The following BANP variants were observed in gnomAD, a reference collection of about 807,000 sequenced individuals.
The protein encoded by BANP is BTG3 associated nuclear protein, also known as protein BANP.
A neutral mutation model predicts 68.1 loss-of-function variants in BANP; 11 were observed. That is an observed-to-expected ratio of 0.16 (90% CI 0.10 to 0.27). BANP has a LOEUF of 0.27. Ranked by LOEUF, BANP falls within the 10% of genes least tolerant of loss-of-function variation. The pLI is 1.00. For synonymous variants in BANP, 329 were observed against 303.2 expected, an observed-to-expected ratio of 1.09 and a Z score of -0.88; for missense variants, 504 against 722.7, an observed-to-expected ratio of 0.70 and a Z score of 3.47.
chr16:87,972,506 T>C lies in BANP; in HGVS notation c.-68-2542T>C, dbSNP rs573297315. Among the ~76,000 whole-genome samples the C allele has an allele frequency of 4.6e-5, 7 of 152,294 alleles. No homozygotes were observed. The South Asian group carries it at 1.2e-3, about 27-fold the overall frequency. ...ATTGTCTGCAGTGATGTTATTTTGC[T>C]TCTTATTCTTTTAAGAAATACATGA... is the stretch of plus-strand genomic sequence containing the variant. On this transcript the variant is annotated intron_variant, in intron 1 of 13. Coordinates refer to ENST00000682872, the MANE Select transcript of BANP (RefSeq NM_001386991.1).
At chr16:87,983,044 C>T (rs911652847) in intron 3 of BANP, among the ~76,000 whole-genome samples, 5 of 152,136 alleles carry the variant, frequency 3.3e-5, no homozygotes, top group African/African-American at 9.7e-5. Flanking sequence ...GTGGCTGCCT[C>T]AGTGCCACCC....
At chr16:88,047,708 CCACAGAG>C (rs1036592935) in intron 11 of BANP, among the ~76,000 whole-genome samples, 1 of 152,168 alleles carries the variant, frequency 6.6e-6, no homozygotes, top group Non-Finnish European at 1.5e-5. Context: ...GCTGTTCTCC[CCACAGAG>C]CACAGAGCAC....
chr16:87,976,364 A>G (rs1214974870), intron 2 of BANP, among the ~76,000 whole-genome samples: 1 of 152,052 alleles, frequency 6.6e-6, no homozygotes, highest in Non-Finnish European at 1.5e-5. Flanking sequence ...CTTTGAAATC[A>G]TAACTGTTTG....
chr16:88,021,827 A>C (rs2152688900), intron 7 of BANP, among the ~76,000 whole-genome samples: 1 of 152,310 alleles, frequency 6.6e-6, no homozygotes, highest in East Asian at 1.9e-4. Context: ...GTCCTCACTC[A>C]ACCCAGGCAG....
In BANP at chr16:88,015,113, G is replaced by A. The variant is rs1271486515; in HGVS notation, c.656-3315G>A. 3.4e-4 allele frequency among the ~76,000 whole-genome samples: 3 copies of A among 8,768 alleles called. 1 individual carries two copies. Among genetic ancestry groups the A allele is most frequent in the Middle Eastern group, 0.1 (2 of 20 alleles). 5.8% of individuals were successfully genotyped at this position (8,768 alleles called of 152,430 possible). The stretch of plus-strand genomic sequence containing the variant: ...GTCCCCTCTGCCCGTCCCTCTGCCT[G>A]TCCCTCTGCCTGTCCCTCTGCCTGT... On this transcript the variant is annotated intron_variant, in intron 6 of 13. Transcript: ENST00000682872.
chr16:87,954,719 C>T (rs766939520), intron 1 of BANP, among the ~76,000 whole-genome samples: 6 of 152,242 alleles, frequency 3.9e-5, no homozygotes, highest in African/African-American at 9.6e-5. Context: ...CCTGTGCCCC[C>T]GGTGCTTTCC....
rs1023479924 is a variant in BANP at position 87,957,870 on chromosome 16, G to A, written c.-69+6355G>A. ...CTCTGTGGGCGCTGGTGGCCAGGAT[G>A]CGGACAACCCCTGCCGCTACGTGTC... On this transcript the variant is annotated intron_variant, in intron 1 of 13. Coordinates refer to ENST00000682872, the MANE Select transcript of BANP (RefSeq NM_001386991.1). The surrounding 1 kb of genome is among the most constrained non-coding windows in gnomAD (Gnocchi z 4.3). 2.6e-5 allele frequency among the ~76,000 whole-genome samples: 4 copies of A among 152,108 alleles called. No homozygotes were observed. Among genetic ancestry groups the A allele is most frequent in the African/African-American group, 9.7e-5 (4 of 41,410 alleles).
At position 88,071,207 on chromosome 16, in the gene BANP, T is replaced by C; in HGVS notation, c.1378-862T>C. 1 of 345,428 alleles carries C rather than the reference T, an allele frequency of 2.9e-6. No homozygotes were observed. The highest frequency in any genetic ancestry group is 5.7e-6 in the Non-Finnish European group (1 of 175,624). The allele number at this position is 345,428 out of a possible 1,614,324, so 21.4% of individuals were successfully genotyped here. A position where few individuals can be genotyped will look rare whatever the true frequency, so the allele number is the denominator to read the frequency against. On this transcript the variant is annotated intron_variant, in intron 12 of 13. Transcript: ENST00000682872. The surrounding 1 kb of genome is among the most constrained non-coding windows in gnomAD (Gnocchi z 6.5). ...TGCGGTTCTGTGTGGAGGTGTGGGATGCATCTCCTGGCCCTCCCGTAGTGG... is the reference window on the plus strand; with the variant it reads ...TGCGGTTCTGTGTGGAGGTGTGGGACGCATCTCCTGGCCCTCCCGTAGTGG...
At chr16:87,958,199 A>G (rs2058472045) in intron 1 of BANP, among the ~76,000 whole-genome samples, 1 of 150,912 alleles carries the variant, frequency 6.6e-6, no homozygotes, top group Non-Finnish European at 1.5e-5. Context: ...ATGTTCTTGA[A>G]CTCTGAGTCC....
At chr16:87,989,105 A>T (rs2065217979) in intron 4 of BANP, among the ~76,000 whole-genome samples, 1 of 152,226 alleles carries the variant, frequency 6.6e-6, no homozygotes, top group African/African-American at 2.4e-5. Flanking sequence ...TTCGAGAACA[A>T]AGAAAAGAAA....
chr16:87,958,371 A>G (rs2058502242), intron 1 of BANP, among the ~76,000 whole-genome samples: 1 of 152,208 alleles, frequency 6.6e-6, no homozygotes, highest in African/African-American at 2.4e-5. Context: ...ACGGGTAGGT[A>G]TCGACTCAGG....
intron 3 of BANP, among the ~76,000 whole-genome samples, chr16:87,983,638 C>A (rs944091482): frequency 1.3e-5 from 2 of 151,962 alleles, no homozygotes; most frequent in African/African-American, 4.8e-5. Flanking sequence ...TCCCATTAGG[C>A]AGCGGGCTGT....
chr16:88,072,551 G>T (rs1390645491), intron 13 of BANP, among the ~76,000 whole-genome samples: 1 of 152,246 alleles, frequency 6.6e-6, no homozygotes, highest in Non-Finnish European at 1.5e-5. Flanking sequence ...TTTAGCCGGA[G>T]AGCTCCCTGC....
intron 1 of BANP, among the ~76,000 whole-genome samples, chr16:87,955,994 A>G (rs1291885208): frequency 2.0e-5 from 3 of 152,150 alleles, no homozygotes; most frequent in Admixed American, 6.5e-5. Flanking sequence ...GTCCACACGG[A>G]AGGCCTTCCC....
intron 4 of BANP, among the ~76,000 whole-genome samples, chr16:87,988,890 G>C (rs1441721643): frequency 6.6e-6 from 1 of 152,150 alleles, no homozygotes. Flanking sequence ...CGTCACTAAG[G>C]CCCCCTCTCT....
At chr16:88,046,052 A>G (rs1161123945) in intron 11 of BANP, among the ~76,000 whole-genome samples, 2 of 152,144 alleles carry the variant, frequency 1.3e-5, no homozygotes, top group African/African-American at 4.8e-5. Flanking sequence ...ATCCTCAAAA[A>G]CTGACCACAC....
At chr16:87,996,589 G>T (rs914445521) in intron 4 of BANP, among the ~76,000 whole-genome samples, 2 of 144,236 alleles carry the variant, frequency 1.4e-5, no homozygotes, top group Non-Finnish European at 1.5e-5. Context: ...CTGGGCCCTC[G>T]TCCTGGGCGC....
chr16:88,064,111 G>A lies in BANP; in HGVS notation c.1312-1156G>A, dbSNP rs1299973765. Among the ~76,000 whole-genome samples the A allele has an allele frequency of 6.6e-6, 1 of 152,020 alleles. No individual in the cohort carries two copies. Among genetic ancestry groups the A allele is most frequent in the Non-Finnish European group, 1.5e-5 (1 of 67,998 alleles). ...TGGGGGCCAACCACAAGCAGGCACC[G>A]GCGCTGGGGGACCAGGGTCAGGGGG... On this transcript the variant is annotated intron_variant, in intron 11 of 13. Transcript: ENST00000682872. This position sits in a 1 kb window ranked among gnomAD's most constrained non-coding sequence, Gnocchi z 4.5.
chr16:87,995,342 C>T (rs529135065), intron 4 of BANP, among the ~76,000 whole-genome samples: 1 of 152,308 alleles, frequency 6.6e-6, no homozygotes, highest in Admixed American at 6.5e-5. Context: ...TTACGTCAAA[C>T]CAGTTTCTTC....
Sources: gnomAD v4.1 joint callset for allele counts (sites outside exome capture counted in the v4.1 genomes callset) on GRCh38, gnomAD v4.1.1 for gene constraint, Gnocchi (gnomAD v3.1) non-coding constraint, MANE v1.5 for transcripts, NCBI Gene and HGNC (gene_info 2026-07-23, HGNC 2026-07-21) for gene names.